Variants in STK32A observed in about 807,000 individuals in gnomAD.
STK32A encodes serine/threonine-protein kinase 32A.
In STK32A, 41 loss-of-function variants were observed where a neutral mutation model predicts 53.2. The observed-to-expected ratio is 0.77, with a 90% CI of 0.60 to 1.00. The LOEUF is 1.00. Among genes scored for constraint, STK32A ranks in the 50% least tolerant of loss-of-function variants. STK32A has a pLI of 0.00. For missense variants in STK32A, 458 were observed against 485.8 expected (o/e 0.94, Z 0.54); for synonymous variants, 166 against 162.8 (o/e 1.02, Z -0.15).
the STK32A span, among the ~76,000 whole-genome samples, chr5:147,398,899 T>C: frequency 1.4e-4 from 21 of 152,246 alleles, no homozygotes; most frequent in Non-Finnish European, 4.4e-5. Context: ...GCAGAGCCCA[T>C]CTGCTTTGGA....
At chr5:147,342,123 A>T (rs1296941328) in intron 5 of STK32A, among the ~76,000 whole-genome samples, 2 of 152,216 alleles carry the variant, frequency 1.3e-5, no homozygotes, top group African/African-American at 2.4e-5. Flanking sequence ...CATAGACTCC[A>T]TTAGAGAAGA....
rs554672475 is a variant in STK32A at position 147,357,278 on chromosome 5, C to T, written c.563-4239C>T. Among the ~76,000 whole-genome samples the T allele has an allele frequency of 3.4e-4, 51 of 152,136 alleles. No homozygotes were observed. The South Asian group carries it at 0.01, about 30-fold the overall frequency. ...GTGTCTGAAGATATTCATTTCCCTG[C>T]ATTCTTATCAGTGCTACACTATCAA... is the stretch of plus-strand genomic sequence containing the variant. On this transcript the variant is annotated intron_variant, in intron 7 of 12. Transcript: ENST00000397936.
intron 3 of STK32A, among the ~76,000 whole-genome samples, chr5:147,278,977 C>G (rs1049455351): frequency 4.6e-5 from 7 of 152,132 alleles, no homozygotes; most frequent in African/African-American, 1.7e-4. Context: ...ATGGAGGCAG[C>G]TATTTTCACC....
chr5:147,399,176 G>A, the STK32A span: 1 of 1,614,200 alleles, frequency 6.2e-7, no homozygotes, highest in Non-Finnish European at 8.5e-7. Context: ...TCCCTTGCGG[G>A]GATACAGGTT....
intron 4 of STK32A, among the ~76,000 whole-genome samples, chr5:147,313,163 A>G (rs1222376766): frequency 2.6e-5 from 4 of 152,056 alleles, no homozygotes; most frequent in Non-Finnish European, 5.9e-5. Flanking sequence ...TGAGCCTTGG[A>G]AGTGGAGGCT....
At chr5:147,255,895 T>C (rs554441208) in intron 2 of STK32A, among the ~76,000 whole-genome samples, 1 of 152,328 alleles carries the variant, frequency 6.6e-6, no homozygotes, top group South Asian at 2.1e-4. Context: ...GATCTGGTAT[T>C]CCTCATGGGA....
At chr5:147,395,789 A>C in the STK32A span, 1 of 1,573,794 alleles carries the variant, frequency 6.4e-7, no homozygotes, top group Admixed American at 1.8e-5. Flanking sequence ...TAGGTATCAT[A>C]AATATATTAG....
intron 8 of STK32A, among the ~76,000 whole-genome samples, chr5:147,367,230 A>C (rs1756794348): frequency 6.6e-6 from 1 of 151,686 alleles, no homozygotes. Context: ...CATGCCTGGA[A>C]ATTTTTTGTA....
At chr5:147,381,477 T>C (rs975027722) in intron 11 of STK32A, among the ~76,000 whole-genome samples, 2 of 152,074 alleles carry the variant, frequency 1.3e-5, no homozygotes, top group African/African-American at 4.8e-5. Flanking sequence ...ACCCTGCCTC[T>C]ACTTAAAATT....
chr5:147,276,721 A>G (rs899450845), intron 2 of STK32A, among the ~76,000 whole-genome samples: 3 of 152,346 alleles, frequency 2.0e-5, no homozygotes, highest in Middle Eastern at 3.4e-3. Flanking sequence ...AAATAAACTC[A>G]GAAGTCAAGG....
intron 4 of STK32A, among the ~76,000 whole-genome samples, chr5:147,313,096 A>C (rs1405503114): frequency 1.4e-5 from 2 of 140,026 alleles, no homozygotes; most frequent in Non-Finnish European, 3.1e-5. Flanking sequence ...TTAGCCAGTC[A>C]TGGTGGTACA....
intron 4 of STK32A, among the ~76,000 whole-genome samples, chr5:147,298,158 T>C (rs1275913666): frequency 6.6e-6 from 1 of 152,096 alleles, no homozygotes; most frequent in African/African-American, 2.4e-5. Flanking sequence ...AGGAGATGGA[T>C]GGGAGCTGAG....
intron 2 of STK32A, among the ~76,000 whole-genome samples, chr5:147,254,331 T>G (rs1177708667): frequency 2.0e-5 from 3 of 152,184 alleles, no homozygotes; most frequent in Non-Finnish European, 4.4e-5. Context: ...CAAGTCTTAG[T>G]GCTTCACTTG....
rs1757081934 is a variant in STK32A at position 147,373,266 on chromosome 5, A to G, written c.875A>G (p.Lys292Arg). Residue 292 changes from lysine (K) to arginine (R), a missense_variant, in exon 10 of 13, where the codon AAG (lysine) becomes AGG (arginine). Transcript: ENST00000397936. Reference sequence around the variant, plus strand: ...ATAAACTGGGATGCAGTTTTTCAGAAGAGGCTCATTCCAGGTTTCATTCCT... The same window carrying G: ...ATAAACTGGGATGCAGTTTTTCAGAGGAGGCTCATTCCAGGTTTCATTCCT... ...NDINWDAVFQ[K>R]RLIPGFIPNK... 1.2e-6 allele frequency: 2 copies of G among 1,613,426 alleles called. No individual in the cohort carries two copies. Among genetic ancestry groups the G allele is most frequent in the Non-Finnish European group, 1.7e-6 (2 of 1,179,560 alleles).
chr5:147,278,507 A>G (rs2151954493), intron 3 of STK32A, among the ~76,000 whole-genome samples: 1 of 152,334 alleles, frequency 6.6e-6, no homozygotes, highest in East Asian at 1.9e-4. Flanking sequence ...CTGTATGCCC[A>G]GTAATAGTTA....
chr5:147,360,475 AAAAGAAAG>A (rs142486199), intron 7 of STK32A, among the ~76,000 whole-genome samples: 5 of 143,320 alleles, frequency 3.5e-5, no homozygotes, highest in African/African-American at 5.5e-5. Flanking sequence ...AAAGAAAAAA[AAAAGAAAG>A]AAAGAAAGAA....
chr5:147,324,518 A>G (rs1264015213), intron 5 of STK32A, among the ~76,000 whole-genome samples: 2 of 152,184 alleles, frequency 1.3e-5, no homozygotes, highest in African/African-American at 4.8e-5. Flanking sequence ...ATGTACTGCA[A>G]ATGGAGGTAG....
At chr5:147,305,632 G>A (rs145370435) in intron 4 of STK32A, among the ~76,000 whole-genome samples, 1 of 152,166 alleles carries the variant, frequency 6.6e-6, no homozygotes, top group Non-Finnish European at 1.5e-5. Flanking sequence ...ATCATTTAAT[G>A]AGTGATTTTA....
At chr5:147,398,148 C>T in the STK32A span, among the ~76,000 whole-genome samples, 1 of 152,198 alleles carries the variant, frequency 6.6e-6, no homozygotes. Context: ...CTGTACATCA[C>T]TGTCTTGTAT....
Sources: gnomAD v4.1 joint callset for allele counts (sites outside exome capture counted in the v4.1 genomes callset) on GRCh38, gnomAD v4.1.1 for gene constraint, MANE v1.5 for transcripts, NCBI Gene and HGNC (gene_info 2026-07-23, HGNC 2026-07-21) for gene names.